Variants in TMEM114 observed in about 807,000 individuals in gnomAD.
TMEM114 encodes claudin-26.
A neutral mutation model predicts 6.2 loss-of-function variants in TMEM114; 6 were observed. That is an observed-to-expected ratio of 0.97 (90% CI 0.53 to 1.91). The LOEUF is 1.91. Ranked by LOEUF, TMEM114 falls within the 40% of genes most tolerant of loss-of-function variation. The probability of loss-of-function intolerance (pLI) is 0.01; values close to 1 mark genes in which losing one functional copy is unlikely to be tolerated. For synonymous variants in TMEM114, 104 were observed against 73.0 expected, an observed-to-expected ratio of 1.42 and a Z score of -2.16; for missense variants, 218 against 158.3, an observed-to-expected ratio of 1.38 and a Z score of -2.02.
chr16:8,556,942 C>G (rs1158721562), intron 2 of TMEM114, among the ~76,000 whole-genome samples: 1 of 152,196 alleles, frequency 6.6e-6, no homozygotes, highest in Non-Finnish European at 1.5e-5. Context: ...GCTCCAGCCT[C>G]TGTTCTTGCT....
chr16:8,557,181 C>T (rs1174135938), intron 2 of TMEM114, among the ~76,000 whole-genome samples: 1 of 152,158 alleles, frequency 6.6e-6, no homozygotes, highest in Non-Finnish European at 1.5e-5. Flanking sequence ...ATGTTCCCTC[C>T]TTGTGAATCA....
At chr16:8,563,227 G>T (rs1163673394) in intron 2 of TMEM114, among the ~76,000 whole-genome samples, 1 of 151,764 alleles carries the variant, frequency 6.6e-6, no homozygotes, top group Non-Finnish European at 1.5e-5. Flanking sequence ...ATAAGTAAGT[G>T]AATGAGTGAG....
intron 2 of TMEM114, among the ~76,000 whole-genome samples, chr16:8,547,708 G>T (rs908035306): frequency 6.6e-6 from 1 of 152,038 alleles, no homozygotes; most frequent in African/African-American, 2.4e-5. Context: ...TCTCTTTACT[G>T]AACACAAAGG....
chr16:8,557,897 C>G (rs1211952672), intron 2 of TMEM114, among the ~76,000 whole-genome samples: 1 of 152,166 alleles, frequency 6.6e-6, no homozygotes, highest in African/African-American at 2.4e-5. Flanking sequence ...GACAAACCAC[C>G]ACAAATTAGG....
At chr16:8,579,498 G>A (rs1174718572) in intron 2 of TMEM114, among the ~76,000 whole-genome samples, 1 of 152,088 alleles carries the variant, frequency 6.6e-6, no homozygotes, top group African/African-American at 2.4e-5. Flanking sequence ...CCTGGAGGAT[G>A]GGGGCTGCCT....
At chr16:8,532,437 C>T in the TMEM114 span, among the ~76,000 whole-genome samples, 1 of 152,046 alleles carries the variant, frequency 6.6e-6, no homozygotes, top group African/African-American at 2.4e-5. Flanking sequence ...GTATTATGAT[C>T]GAAATTGGAC....
intron 2 of TMEM114, among the ~76,000 whole-genome samples, chr16:8,564,113 G>C (rs1208930347): frequency 6.6e-6 from 1 of 150,416 alleles, no homozygotes; most frequent in African/African-American, 2.5e-5. Context: ...GAGGAAATAA[G>C]TAAGTGAATG....
At chr16:8,557,150 C>T (rs1901040037) in intron 2 of TMEM114, among the ~76,000 whole-genome samples, 1 of 152,182 alleles carries the variant, frequency 6.6e-6, no homozygotes, top group Non-Finnish European at 1.5e-5. Context: ...CTTGATACTT[C>T]TCCCAGGGAG....
At chr16:8,546,767 C>G (rs909128243) in intron 2 of TMEM114, among the ~76,000 whole-genome samples, 1 of 152,250 alleles carries the variant, frequency 6.6e-6, no homozygotes, top group South Asian at 2.1e-4. Flanking sequence ...CAGCTGCAAT[C>G]AGAGCACACC....
At chr16:8,536,668 T>TTTTG (rs968499501), downstream of TMEM114, among the ~76,000 whole-genome samples, 23 of 152,172 alleles carry the variant, frequency 1.5e-4, no homozygotes, top group South Asian at 6.2e-4. Context: ...TTTGGTTTGT[T>TTTTG]TTTGTTTGTT....
At chr16:8,574,481 G>C (rs1392512368) in intron 2 of TMEM114, among the ~76,000 whole-genome samples, 2 of 152,146 alleles carry the variant, frequency 1.3e-5, no homozygotes, top group South Asian at 2.1e-4. Flanking sequence ...AAGAAAACAA[G>C]ACTGAACTTC....
chr16:8,572,017 G>C (rs369427652), intron 3 of TMEM114, 70 bp downstream of exon 3: 3 of 1,456,066 alleles, frequency 2.1e-6, no homozygotes, highest in African/African-American at 2.9e-5. Context: ...TTTGCTGAGG[G>C]TTCATACACA....
chr16:8,554,914 C>G (rs1229391413), intron 2 of TMEM114, among the ~76,000 whole-genome samples: 2 of 152,198 alleles, frequency 1.3e-5, no homozygotes, highest in Non-Finnish European at 2.9e-5. Context: ...GTTCAAATGC[C>G]TATAGAGCCT....
intron 2 of TMEM114, among the ~76,000 whole-genome samples, chr16:8,581,342 T>TACAC (rs1902141536): frequency 6.6e-6 from 1 of 152,228 alleles, no homozygotes. Flanking sequence ...CCTATAAATG[T>TACAC]CTAGCCATCT....
the TMEM114 span, among the ~76,000 whole-genome samples, chr16:8,530,751 T>A: frequency 6.6e-6 from 1 of 151,612 alleles, no homozygotes; most frequent in East Asian, 1.9e-4. Flanking sequence ...GGGCCGGGCA[T>A]TGTGGCTCAT....
intron 2 of TMEM114, 37 bp downstream of exon 2, chr16:8,589,176 G>C (rs1040800657): frequency 7.5e-6 from 3 of 398,468 alleles, no homozygotes; most frequent in Non-Finnish European, 1.3e-5. Context: ...GGCTAGGACC[G>C]GGGCGCTCCC....
chr16:8,562,745 T>C (rs1391946912), intron 2 of TMEM114, among the ~76,000 whole-genome samples: 2 of 150,046 alleles, frequency 1.3e-5, no homozygotes, highest in Admixed American at 6.6e-5. Flanking sequence ...AGTGACGGAG[T>C]AAATGAGTGA....
At chr16:8,550,151 C>T (rs1398036889) in intron 2 of TMEM114, among the ~76,000 whole-genome samples, 10 of 152,220 alleles carry the variant, frequency 6.6e-5, no homozygotes, top group Non-Finnish European at 1.3e-4. Context: ...CCACCATCTT[C>T]TGCCTGCTTT....
At chr16:8,535,661 G>T (rs1331450891), downstream of TMEM114, among the ~76,000 whole-genome samples, 1 of 152,196 alleles carries the variant, frequency 6.6e-6, no homozygotes, top group Non-Finnish European at 1.5e-5. Context: ...GTTCTGTGAT[G>T]AATGTGGCAT....
Sources: gnomAD v4.1 joint callset for allele counts (sites outside exome capture counted in the v4.1 genomes callset) on GRCh38, gnomAD v4.1.1 for gene constraint, MANE v1.5 for transcripts, NCBI Gene and HGNC (gene_info 2026-07-23, HGNC 2026-07-21) for gene names.